Variants in PKD1L1 observed in about 807,000 individuals in gnomAD.
PKD1L1 encodes polycystin-1-like protein 1.
Under a neutral mutation model 323.4 loss-of-function variants are expected in PKD1L1, and 236 were observed. The ratio of observed to expected loss-of-function variants is 0.73; its 90% CI spans 0.66 to 0.81. PKD1L1 has a LOEUF of 0.81. PKD1L1 is among the 40% of genes least tolerant of loss of function. The pLI is 0.00. For synonymous variants in PKD1L1, 1,344 were observed against 1,335.0 expected (o/e 1.01, Z -0.15); for missense variants, 3,320 against 3,508.0 (o/e 0.95, Z 1.35).
chr7:47,950,947 C>T (rs1463816324), upstream of PKD1L1, among the ~76,000 whole-genome samples: 1 of 152,190 alleles, frequency 6.6e-6, no homozygotes, highest in African/African-American at 2.4e-5. Flanking sequence ...CCATACTCCT[C>T]CACCTGGGGT....
At chr7:47,906,022 T>C in intron 9 of PKD1L1, 60 bp from the exon 10 acceptor site, 1 of 1,440,550 alleles carries the variant, frequency 6.9e-7, no homozygotes, top group South Asian at 1.4e-5. Context: ...ACTTTTATCA[T>C]GCAACACACA....
chr7:47,902,513 TG>T lies in PKD1L1; in HGVS notation c.1932-3del, dbSNP rs776884259. 3.1e-6 allele frequency: 5 copies of T among 1,613,566 alleles called. No homozygotes were observed. In the Admixed American group the frequency reaches 6.7e-5, roughly 22 times the overall value. On this transcript the variant is annotated splice_region_variant and splice_polypyrimidine_tract_variant and intron_variant, in intron 12 of 56. Coordinates refer to ENST00000289672, the MANE Select transcript of PKD1L1 (RefSeq NM_138295.5). ...ACCTCCACTGTAAATTCTCCTTCCC[TG>T]GGACGGTGGAAAGCACAGAAATGAA... is the stretch of plus-strand genomic sequence containing the variant.
At chr7:47,855,402 CA>C in intron 28 of PKD1L1, 137 bp from the exon 29 acceptor site, 1 of 556,502 alleles carries the variant, frequency 1.8e-6, no homozygotes, top group South Asian at 3.7e-5. Context: ...AGCTAGCATA[CA>C]AAAATAAACC....
intron 55 of PKD1L1, 73 bp from the exon 56 acceptor site, chr7:47,792,870 C>T: frequency 7.3e-7 from 1 of 1,372,968 alleles, no homozygotes; most frequent in East Asian, 2.3e-5. Flanking sequence ...TTATGTGAAG[C>T]ATTTAGGGGT....
At chr7:47,960,777 G>T in the PKD1L1 span, among the ~76,000 whole-genome samples, 69,171 of 150,968 alleles carry the variant, frequency 0.46, 16,511 homozygotes, top group East Asian at 0.53. Context: ...ATGAAAAAAT[G>T]TTCAACATCA....
the PKD1L1 span, among the ~76,000 whole-genome samples, chr7:47,953,811 G>T: frequency 6.6e-6 from 1 of 152,182 alleles, no homozygotes; most frequent in Non-Finnish European, 1.5e-5. Context: ...TGCCTCCTTG[G>T]CAGGGTTTAT....
At chr7:47,838,992 C>T (rs927333767) in intron 36 of PKD1L1, among the ~76,000 whole-genome samples, 4 of 151,758 alleles carry the variant, frequency 2.6e-5, no homozygotes, top group Non-Finnish European at 5.9e-5. Context: ...AAAATCACGA[C>T]TTCCATGGTT....
chr7:47,813,277 G>A lies in PKD1L1; in HGVS notation c.7190C>T (p.Ser2397Leu), dbSNP rs147522205. 5.0e-6 allele frequency: 8 copies of A among 1,614,164 alleles called. No homozygotes were observed. The Admixed American group carries it at 1.3e-4, about 27-fold the overall frequency. ...AGGAATAGAGTCTTCGATGAGTGCT[G>A]AAAATGGCCTGGGAGGCTGCAGAAC... ...RHLCKPPRPF[S>L]ALIEDSIPTC... is the part of the protein sequence containing the mutation. The change falls in exon 49 of 57, where the codon TCA (serine) becomes TTA (leucine). Residue 2397 changes from serine (S) to leucine (L), a missense_variant. By Grantham distance (145) the Ser-to-Leu change is moderately radical. Coordinates refer to ENST00000289672, the MANE Select transcript of PKD1L1 (RefSeq NM_138295.5).
At position 47,938,453 on chromosome 7, in the gene PKD1L1, TG is replaced by T. The variant is rs560924126; in HGVS notation, c.286-1496del. ...TGTGAAACCCAGGGGCTGAGACAGC[TG>T]CATGTACCTACAACCCCTAAAAGGC... On this transcript the variant is annotated intron_variant, in intron 3 of 56. Transcript: ENST00000289672. 2.0e-4 allele frequency among the ~76,000 whole-genome samples: 30 copies of T among 152,244 alleles called. 1 individual carries two copies. The South Asian group carries it at 5.8e-3, about 29-fold the overall frequency.
Position 47,815,476 on chromosome 7 carries a change from A to G in PKD1L1, c.6966-19T>C. ...GGCATTTCTTAATGCAAGAACAAAAATAAAAAGTTGCTTCTGCATCAACAA... is the reference window on the plus strand; with the variant it reads ...GGCATTTCTTAATGCAAGAACAAAAGTAAAAAGTTGCTTCTGCATCAACAA... On this transcript the variant is annotated intron_variant, in intron 46 of 56. Coordinates refer to ENST00000289672, the MANE Select transcript of PKD1L1 (RefSeq NM_138295.5). 1 of 1,608,816 alleles carries G rather than the reference A, an allele frequency of 6.2e-7. No homozygotes were observed. The highest frequency in any genetic ancestry group is 1.1e-5 in the South Asian group (1 of 89,840).
At chr7:47,825,921 T>G (rs1189264485) in intron 45 of PKD1L1, among the ~76,000 whole-genome samples, 1 of 152,142 alleles carries the variant, frequency 6.6e-6, no homozygotes, top group African/African-American at 2.4e-5. Context: ...ATGCTTTCTC[T>G]GGGCCTGTTC....
At chr7:47,862,141 G>A (rs1443081537) in intron 26 of PKD1L1, among the ~76,000 whole-genome samples, 1 of 151,914 alleles carries the variant, frequency 6.6e-6, no homozygotes, top group Non-Finnish European at 1.5e-5. Flanking sequence ...GTTTCAGTGA[G>A]CCAAGATTGT....
intron 52 of PKD1L1, among the ~76,000 whole-genome samples, chr7:47,806,681 A>C: frequency 6.6e-6 from 1 of 152,274 alleles, no homozygotes; most frequent in Non-Finnish European, 1.5e-5. Context: ...ATTTCATTAG[A>C]TGCTGATAAG....
At chr7:47,810,061 C>T (rs562504305) in intron 50 of PKD1L1, among the ~76,000 whole-genome samples, 12 of 152,320 alleles carry the variant, frequency 7.9e-5, no homozygotes, top group Middle Eastern at 3.4e-3. Flanking sequence ...ATTCTCTCTC[C>T]AGTGGTGAGT....
At chr7:47,877,394 C>G in intron 22 of PKD1L1, 95 bp downstream of exon 22, 1 of 1,498,692 alleles carries the variant, frequency 6.7e-7, no homozygotes, top group Non-Finnish European at 9.1e-7. Context: ...GTGGGAAGGA[C>G]ATTGCTGTCC....
chr7:47,813,922 A>G lies in PKD1L1; in HGVS notation c.7173+9T>C. On this transcript the variant is annotated intron_variant, in intron 48 of 56. Transcript: ENST00000289672. Reference sequence around the variant, plus strand: ...ATTCTTGGAAGCAAAAGGAAAAGGAACATCTTACCTTGCATAAATGCCTAG... The same window carrying G: ...ATTCTTGGAAGCAAAAGGAAAAGGAGCATCTTACCTTGCATAAATGCCTAG... 6.2e-7 allele frequency: 1 copy of G among 1,610,104 alleles called. No homozygotes were observed. The highest frequency in any genetic ancestry group is 1.1e-5 in the South Asian group (1 of 91,028).
chr7:47,809,489 G>C lies in PKD1L1; in HGVS notation c.7670C>G (p.Pro2557Arg), dbSNP rs1784848980. The C allele has an allele frequency of 6.2e-7, 1 of 1,603,434 alleles. No homozygotes were observed. The highest frequency in any genetic ancestry group is 1.3e-5 in the African/African-American group (1 of 74,790). ...AGAGGCTACCTCCAGCCAGTTCCTT[G>C]GCTTTCGCCAGTAGCTGAGGACGCC... Reference protein sequence around the residue: ...DKGVLSYWRKPRNWLELSVVG... With the variant: ...DKGVLSYWRKRRNWLELSVVG... The change falls in exon 51 of 57, where the codon CCA (proline) becomes CGA (arginine). Residue 2557 changes from proline (P) to arginine (R), a missense_variant. Pro to Arg is a moderately radical substitution (Grantham distance 103). Coordinates refer to ENST00000289672, the MANE Select transcript of PKD1L1 (RefSeq NM_138295.5).
intron 13 of PKD1L1, among the ~76,000 whole-genome samples, chr7:47,901,932 G>A (rs907668698): frequency 6.6e-6 from 1 of 151,800 alleles, no homozygotes; most frequent in Non-Finnish European, 1.5e-5. Flanking sequence ...ACAGATAACC[G>A]ATCATGTCCT....
At position 47,943,495 on chromosome 7, in the gene PKD1L1, A is replaced by C; in HGVS notation, c.61T>G (p.Cys21Gly). Reference protein sequence around the residue: ...DDQERCLQAACCLSFGGELSV... With the variant: ...DDQERCLQAAGCLSFGGELSV... The stretch of plus-strand genomic sequence containing the variant: ...AGCTCACCACCAAAGGAAAGGCAGC[A>C]GGCAGCCTGGAGACACCTAAGGGAA... Residue 21 changes from cysteine to glycine, a missense_variant, in exon 2 of 57, where the codon TGC becomes GGC. Cys to Gly is a radical substitution (Grantham distance 159, BLOSUM62 -3). Transcript: ENST00000289672. 6.2e-7 allele frequency: 1 copy of C among 1,612,918 alleles called. No homozygotes were observed. The highest frequency in any genetic ancestry group is 2.2e-5 in the East Asian group (1 of 44,826).
Sources: gnomAD v4.1 joint callset for allele counts (sites outside exome capture counted in the v4.1 genomes callset) on GRCh38, gnomAD v4.1.1 for gene constraint, MANE v1.5 for transcripts, NCBI Gene and HGNC (gene_info 2026-07-23, HGNC 2026-07-21) for gene names.